The following UTP6 variants were observed in gnomAD, a reference collection of about 807,000 sequenced individuals.
UTP6 encodes U3 small nucleolar RNA-associated protein 6 homolog.
A neutral mutation model predicts 96.5 loss-of-function variants in UTP6; 60 were observed. The ratio of observed to expected loss-of-function variants is 0.62; its 90% CI spans 0.51 to 0.77. UTP6 has a LOEUF of 0.77. Ranked by LOEUF, UTP6 falls within the 30% of genes least tolerant of loss-of-function variation. UTP6 has a pLI of 0.00. For missense variants in UTP6, 637 were observed against 706.5 expected (o/e 0.90, Z 1.12); for synonymous variants, 215 against 240.1 (o/e 0.90, Z 0.96).
rs564866162 is a variant in UTP6 at position 31,878,874 on chromosome 17, C to T, written c.968-93G>A. ...AAAAGATAAGGAAAAAAACAGTCAT[C>T]CTACACCTTTACTTCAAGGGGAAAA... On this transcript the variant is annotated intron_variant, in intron 11 of 18. Coordinates refer to ENST00000261708, the MANE Select transcript of UTP6 (RefSeq NM_018428.3). 20 of 1,174,682 alleles carry T rather than the reference C, an allele frequency of 1.7e-5. No homozygotes were observed. The African/African-American group carries it at 2.6e-4, about 15-fold the overall frequency. 72.8% of individuals were successfully genotyped at this position (1,174,682 alleles called of 1,614,324 possible). A position where few individuals can be genotyped will look rare whatever the true frequency, so the allele number is the denominator to read the frequency against.
intron 6 of UTP6, among the ~76,000 whole-genome samples, chr17:31,891,258 C>A (rs975921367): frequency 6.6e-6 from 1 of 152,118 alleles, no homozygotes; most frequent in African/African-American, 2.4e-5. Flanking sequence ...TTTCTAGGAT[C>A]TGTAGAAGCC....
intron 4 of UTP6, among the ~76,000 whole-genome samples, chr17:31,893,200 G>A (rs1465471666): frequency 6.6e-6 from 1 of 152,068 alleles, no homozygotes; most frequent in Non-Finnish European, 1.5e-5. Context: ...TTGAAGCCGG[G>A]AGGCCGAGAT....
Position 31,901,592 on chromosome 17 carries a change from C to A in UTP6, c.36G>T (p.Arg12=). The A allele has an allele frequency of 3.1e-6, 5 of 1,614,032 alleles. No homozygotes were observed. Among genetic ancestry groups the A allele is most frequent in the Non-Finnish European group, 4.2e-6 (5 of 1,180,034 alleles). ...AEIIQERIED[R]LPELEQLERI... ...GCTCCAGCTGTTCCAATTCCGGGAG[C>A]CGATCTTCTATGCGTTCCTGAATTA... is the stretch of plus-strand genomic sequence containing the variant. Residue 12 remains arginine (R), a synonymous_variant, in exon 1 of 19, where the codon CGG becomes CGT. Coordinates refer to ENST00000261708, the MANE Select transcript of UTP6 (RefSeq NM_018428.3).
At chr17:31,886,787 A>G (rs1911170400) in intron 8 of UTP6, 1 of 152,982 alleles carries the variant, frequency 6.5e-6, no homozygotes, top group Admixed American at 6.5e-5. Flanking sequence ...AGGGAAAGAA[A>G]GAAGGCCAGG....
intron 9 of UTP6, chr17:31,884,792 A>C (rs1166811371): frequency 7.4e-6 from 2 of 269,270 alleles, no homozygotes; most frequent in African/African-American, 2.2e-5. Context: ...AATGGCTCAC[A>C]CCAGTTATGC....
chr17:31,873,469 T>C lies in UTP6; in HGVS notation c.1405A>G (p.Ile469Val), dbSNP rs1048335945. Residue 469 changes from isoleucine (I) to valine (V), a missense_variant, in exon 16 of 19, where the codon ATA becomes GTA. Transcript: ENST00000261708. ...AVFKKALLAV[I>V]GADSVTLKNK... The stretch of plus-strand genomic sequence containing the variant: ...TTCAGGGTTACTGAGTCGGCACCTA[T>C]GACAGCTAAGAGAGCTTTCTACAAT... 3.7e-6 allele frequency: 6 copies of C among 1,613,968 alleles called. No homozygotes were observed. Among genetic ancestry groups the C allele is most frequent in the African/African-American group, 2.7e-5 (2 of 74,900 alleles).
chr17:31,882,525 T>A (rs1473752303), intron 10 of UTP6, among the ~76,000 whole-genome samples: 1 of 152,084 alleles, frequency 6.6e-6, no homozygotes, highest in African/African-American at 2.4e-5. Context: ...TTCACCATGT[T>A]GGCCAGGATG....
intron 9 of UTP6, 55 bp from the exon 10 acceptor site, chr17:31,884,560 T>G (rs1336354864): frequency 3.2e-5 from 44 of 1,363,818 alleles, no homozygotes; most frequent in Non-Finnish European, 3.1e-6. Context: ...ATCACTTTAC[T>G]TTAAAAGTAG....
chr17:31,873,648 AAGACTTGGAACACGG>A lies in UTP6; in HGVS notation c.1386+10_1386+24del. 1 of 1,613,880 alleles carries A rather than the reference AAGACTTGGAACACGG, an allele frequency of 6.2e-7. No individual in the cohort carries two copies. Among genetic ancestry groups the A allele is most frequent in the Admixed American group, 1.7e-5 (1 of 59,898 alleles). On this transcript the variant is annotated intron_variant, in intron 15 of 18. Coordinates refer to ENST00000261708, the MANE Select transcript of UTP6 (RefSeq NM_018428.3). ...AACCTTCTGCCATTCCCCACACCAC[AAGACTTGGAACACGG>A]AGCCTATACCTTAAAGACTGCCTCA...
rs540256984 is a variant in UTP6 at position 31,865,421 on chromosome 17, C to T, written c.1581G>A (p.Ala527=). 15 of 1,613,942 alleles carry T rather than the reference C, an allele frequency of 9.3e-6. No individual in the cohort carries two copies. The African/African-American group carries it at 1.1e-4, about 11-fold the overall frequency. The change falls in exon 18 of 19, where the codon GCG becomes GCA. Residue 527 remains alanine (A), a synonymous_variant. Coordinates refer to ENST00000261708, the MANE Select transcript of UTP6 (RefSeq NM_018428.3). ...CTCTCTCATAATATTCTCTTATGTT[C>T]GCCATATTGCAGGATTCCTGACAAA... ...FEKEQESCNM[A]NIREYYERAL...
intron 17 of UTP6, among the ~76,000 whole-genome samples, chr17:31,867,314 G>C (rs1228621414): frequency 6.6e-6 from 1 of 151,846 alleles, no homozygotes; most frequent in East Asian, 2.0e-4. Context: ...TTGAGACCAG[G>C]CTGGCCAACA....
chr17:31,880,534 T>C (rs760979827), intron 11 of UTP6, 39 bp downstream of exon 11: 1 of 1,612,982 alleles, frequency 6.2e-7, no homozygotes, highest in Non-Finnish European at 8.5e-7. Context: ...TCAGGGATAC[T>C]ATTCCTTCTA....
intron 9 of UTP6, 108 bp from the exon 10 acceptor site, chr17:31,884,613 ATGAG>A: frequency 1.2e-6 from 1 of 859,578 alleles, no homozygotes; most frequent in Non-Finnish European, 1.8e-6. Flanking sequence ...GTTTTTTGAA[ATGAG>A]AAATAGAATA....
rs564595520 is a variant in UTP6 at position 31,892,640 on chromosome 17, T to A, written c.360+107A>T. The A allele has an allele frequency of 3.0e-5, 42 of 1,400,166 alleles. No individual in the cohort carries two copies. In the African/African-American group the frequency reaches 4.3e-4, roughly 14 times the overall value. The allele number at this position is 1,400,166 out of a possible 1,614,324, so 86.7% of individuals were successfully genotyped here. A position where few individuals can be genotyped will look rare whatever the true frequency, so the allele number is the denominator to read the frequency against. ...GATGTTCCGCCTTCTTGGGTTCTTT[T>A]TTCATGTTAACCCTACACTTCAGGA... On this transcript the variant is annotated intron_variant, in intron 5 of 18. Coordinates refer to ENST00000261708, the MANE Select transcript of UTP6 (RefSeq NM_018428.3).
chr17:31,900,882 A>C (rs1331980448), intron 1 of UTP6, among the ~76,000 whole-genome samples: 1 of 152,214 alleles, frequency 6.6e-6, no homozygotes, highest in Non-Finnish European at 1.5e-5. Flanking sequence ...GCACTTTCTA[A>C]GCGTCCACAC....
intron 2 of UTP6, among the ~76,000 whole-genome samples, chr17:31,898,957 G>A (rs372074697): frequency 4.0e-5 from 6 of 149,858 alleles, no homozygotes; most frequent in South Asian, 2.1e-4. Context: ...ACTAGAACCC[G>A]GAAGGCAGTG....
chr17:31,869,965 G>C (rs1191100217), intron 16 of UTP6, among the ~76,000 whole-genome samples: 1 of 152,180 alleles, frequency 6.6e-6, no homozygotes, highest in Non-Finnish European at 1.5e-5. Flanking sequence ...TGAGGACAAT[G>C]ACCTCCAGCT....
At position 31,887,117 on chromosome 17, in the gene UTP6, C is replaced by T. The variant is rs559150397; in HGVS notation, c.621+119G>A. ...CAGCCTGTGTGACAGACCGAGACTC[C>T]GTCTCAAAAAAAAAGAAAAAAAAAG... On this transcript the variant is annotated intron_variant, in intron 8 of 18. Coordinates refer to ENST00000261708, the MANE Select transcript of UTP6 (RefSeq NM_018428.3). 279 of 857,136 alleles carry T rather than the reference C, an allele frequency of 3.3e-4. 1 individual carries two copies. In the South Asian group the frequency reaches 3.5e-3, roughly 11 times the overall value. The allele number at this position is 857,136 out of a possible 1,614,324, so 53.1% of individuals were successfully genotyped here.
chr17:31,872,424 T>G (rs1314228203), intron 16 of UTP6, among the ~76,000 whole-genome samples: 1 of 151,984 alleles, frequency 6.6e-6, no homozygotes, highest in Non-Finnish European at 1.5e-5. Flanking sequence ...TCCTAGCACT[T>G]TGGGAGGCTG....
Sources: gnomAD v4.1 joint callset for allele counts (sites outside exome capture counted in the v4.1 genomes callset) on GRCh38, gnomAD v4.1.1 for gene constraint, MANE v1.5 for transcripts, NCBI Gene and HGNC (gene_info 2026-07-23, HGNC 2026-07-21) for gene names.